DLG2: variants seen among roughly 807,000 people sequenced by gnomAD.
DLG2 encodes the protein disks large homolog 2.
In DLG2, 45 loss-of-function variants were observed where a neutral mutation model predicts 132.5. The ratio of observed to expected loss-of-function variants is 0.34; its 90% CI spans 0.27 to 0.44. The LOEUF is 0.44. DLG2 is among the 20% of genes least tolerant of loss of function. The probability of loss-of-function intolerance (pLI) is 1.00; values close to 1 mark genes in which losing one functional copy is unlikely to be tolerated. For missense variants in DLG2, 1,045 were observed against 1,196.9 expected (o/e 0.87, Z 1.87); for synonymous variants, 424 against 419.6 (o/e 1.01, Z -0.13).
At chr11:84,649,100 C>CTA (rs1461567889) in intron 6 of DLG2, among the ~76,000 whole-genome samples, 1 of 152,038 alleles carries the variant, frequency 6.6e-6, no homozygotes, top group Non-Finnish European at 1.5e-5. Context: ...AGTACTTAAG[C>CTA]TATATAAGCT....
intron 6 of DLG2, chr11:84,763,487 G>A (rs1428353934): frequency 6.6e-6 from 1 of 152,078 alleles, no homozygotes; most frequent in East Asian, 1.9e-4. Context: ...ATATTTCAAT[G>A]ATCACATTCT....
At chr11:84,854,815 T>C (rs991300500) in intron 6 of DLG2, among the ~76,000 whole-genome samples, 18 of 152,152 alleles carry the variant, frequency 1.2e-4, no homozygotes, top group African/African-American at 2.9e-4. Context: ...CTGTACCCCA[T>C]AGTGATTCTT....
chr11:85,413,314 G>A (rs1268217664), intron 3 of DLG2, among the ~76,000 whole-genome samples: 1 of 152,036 alleles, frequency 6.6e-6, no homozygotes, highest in Non-Finnish European at 1.5e-5. Flanking sequence ...TCCTTTGTCT[G>A]ATGTATAGAT....
At chr11:85,399,980 C>G (rs1230592786) in intron 3 of DLG2, among the ~76,000 whole-genome samples, 1 of 151,992 alleles carries the variant, frequency 6.6e-6, no homozygotes, top group Non-Finnish European at 1.5e-5. Context: ...AAACTACCAT[C>G]AGAGTGAACA....
At chr11:85,545,771 T>G (rs1196400266) in intron 3 of DLG2, among the ~76,000 whole-genome samples, 7 of 152,220 alleles carry the variant, frequency 4.6e-5, no homozygotes, top group Non-Finnish European at 2.9e-5. Context: ...CTAGTTTCAT[T>G]TGCATAGAGG....
chr11:83,792,184 A>G (rs6592140), intron 17 of DLG2, among the ~76,000 whole-genome samples: 68,957 of 151,984 alleles, frequency 0.45, 15,871 homozygotes, highest in Middle Eastern at 0.6. Context: ...TTTTTCTGCT[A>G]CTATGAACAC....
At position 84,447,415 on chromosome 11, in the gene DLG2, G is replaced by A. The variant is rs141320159; in HGVS notation, c.519+87155C>T. On this transcript the variant is annotated intron_variant, in intron 7 of 27. Transcript: ENST00000376104. ...ATGCTCAATATTATGAAAAGAAGCC[G>A]AAAAGAATGATTTCTAAAAGCTCTT... is the stretch of plus-strand genomic sequence containing the variant. 5.3e-5 allele frequency among the ~76,000 whole-genome samples: 8 copies of A among 152,154 alleles called. 1 individual carries two copies. The highest frequency in any genetic ancestry group is 6.8e-3 in the Middle Eastern group (2 of 294).
chr11:84,622,942 T>A (rs527346331), intron 6 of DLG2, among the ~76,000 whole-genome samples: 1 of 152,254 alleles, frequency 6.6e-6, no homozygotes, highest in East Asian at 1.9e-4. Context: ...TCTGGAAATT[T>A]TATCATTGTG....
chr11:84,993,941 G>A lies in DLG2; in HGVS notation c.357+117720C>T, dbSNP rs1253089924. On this transcript the variant is annotated intron_variant, in intron 6 of 27. Transcript: ENST00000376104. ...CAGCTAGTGCCCCCATGAAAGGAGCGCTCCCTCAGACAGGTGCAGCAAACC... is the reference window on the plus strand; with the variant it reads ...CAGCTAGTGCCCCCATGAAAGGAGCACTCCCTCAGACAGGTGCAGCAAACC... 3.3e-5 allele frequency among the ~76,000 whole-genome samples: 5 copies of A among 152,002 alleles called. No homozygotes were observed. The South Asian group carries it at 8.3e-4, about 25-fold the overall frequency.
At chr11:83,677,082 T>C (rs1766230522) in intron 18 of DLG2, among the ~76,000 whole-genome samples, 1 of 152,204 alleles carries the variant, frequency 6.6e-6, no homozygotes, top group Admixed American at 6.5e-5. Context: ...GTTCACAATA[T>C]ACTAACAGCT....
chr11:83,650,993 A>G (rs1197949468), intron 18 of DLG2, among the ~76,000 whole-genome samples: 1 of 152,212 alleles, frequency 6.6e-6, no homozygotes, highest in African/African-American at 2.4e-5. Flanking sequence ...GAAATTAATC[A>G]TGCCCCTCTT....
chr11:85,289,544 G>T (rs981136857), intron 3 of DLG2, among the ~76,000 whole-genome samples: 2 of 152,152 alleles, frequency 1.3e-5, no homozygotes, highest in Non-Finnish European at 2.9e-5. Flanking sequence ...TCATCAAAAA[G>T]AAAATATGTT....
chr11:84,302,152 AACACATGG>A (rs1427426599), intron 7 of DLG2, among the ~76,000 whole-genome samples: 1 of 152,168 alleles, frequency 6.6e-6, no homozygotes, highest in African/African-American at 2.4e-5. Flanking sequence ...GAACAATGAG[AACACATGG>A]ACACAGGGAG....
Position 83,674,842 on chromosome 11 carries a change from G to A in DLG2, c.1826-41517C>T, listed in dbSNP as rs140632715. ...GAAATATACTTTGATTCTGTTTATT[G>A]CTATTATTGTCTGTTCTTTGGAAAG... On this transcript the variant is annotated intron_variant, in intron 18 of 27. Coordinates refer to ENST00000376104, the MANE Select transcript of DLG2 (RefSeq NM_001142699.3). Among the ~76,000 whole-genome samples, 1,384 of 152,304 alleles carry A rather than the reference G, an allele frequency of 9.1e-3. 13 individuals carry two copies. The highest frequency in any genetic ancestry group is 0.012 in the Non-Finnish European group (802 of 68,022).
chr11:84,621,597 C>A (rs898182520), intron 6 of DLG2, among the ~76,000 whole-genome samples: 2 of 152,062 alleles, frequency 1.3e-5, no homozygotes, highest in African/African-American at 4.8e-5. Context: ...TAAGAGGTCA[C>A]CAATAAGATT....
chr11:83,787,720 G>A (rs1236460635), intron 17 of DLG2, among the ~76,000 whole-genome samples: 1 of 152,124 alleles, frequency 6.6e-6, no homozygotes, highest in Non-Finnish European at 1.5e-5. Flanking sequence ...AGTTTATTTA[G>A]CTATTGCTAA....
chr11:84,903,092 G>C (rs957211982), intron 6 of DLG2, among the ~76,000 whole-genome samples: 5 of 151,938 alleles, frequency 3.3e-5, no homozygotes, highest in Admixed American at 6.6e-5. Context: ...CTGTGAAAAT[G>C]GTCTTCCTAA....
chr11:84,929,224 C>T (rs148999288), intron 6 of DLG2, among the ~76,000 whole-genome samples: 1 of 151,162 alleles, frequency 6.6e-6, no homozygotes. Context: ...AATACTAAGT[C>T]TTTTAATTGT....
chr11:85,323,092 C>A (rs1440185600), intron 3 of DLG2, among the ~76,000 whole-genome samples: 1 of 152,198 alleles, frequency 6.6e-6, no homozygotes, highest in African/African-American at 2.4e-5. Context: ...TTCTAACTCA[C>A]CTGTCACTTT....
Sources: gnomAD v4.1 joint callset for allele counts (sites outside exome capture counted in the v4.1 genomes callset) on GRCh38, gnomAD v4.1.1 for gene constraint, MANE v1.5 for transcripts, NCBI Gene and HGNC (gene_info 2026-07-23, HGNC 2026-07-21) for gene names.